CALN1: variants seen among roughly 807,000 people sequenced by gnomAD.
The protein encoded by CALN1 is calcium-binding protein 8.
Under a neutral mutation model 30.6 loss-of-function variants are expected in CALN1, and 17 were observed. The ratio of observed to expected loss-of-function variants is 0.56; its 90% CI spans 0.38 to 0.83. The LOEUF (loss-of-function observed/expected upper bound fraction) is 0.83, where lower values mean the gene tolerates loss of function less well. Ranked by LOEUF, CALN1 falls within the 40% of genes least tolerant of loss-of-function variation. CALN1 has a pLI of 0.00. For synonymous variants in CALN1, 156 were observed against 131.4 expected, an observed-to-expected ratio of 1.19 and a Z score of -1.28; for missense variants, 291 against 354.9, an observed-to-expected ratio of 0.82 and a Z score of 1.45.
intron 3 of CALN1, among the ~76,000 whole-genome samples, chr7:72,272,794 C>A (rs1797080743): frequency 6.6e-6 from 1 of 152,112 alleles, no homozygotes; most frequent in Non-Finnish European, 1.5e-5. Flanking sequence ...GGAATCTATT[C>A]CTCAACCCAA....
intron 3 of CALN1, among the ~76,000 whole-genome samples, chr7:72,212,626 G>A (rs1228675732): frequency 6.6e-6 from 1 of 151,994 alleles, no homozygotes; most frequent in Non-Finnish European, 1.5e-5. Context: ...ACCAGCAGGG[G>A]CAGCAAAGCG....
intron 5 of CALN1, among the ~76,000 whole-genome samples, chr7:71,986,192 C>A (rs1476332894): frequency 6.6e-6 from 1 of 152,090 alleles, no homozygotes; most frequent in African/African-American, 2.4e-5. Flanking sequence ...GGACCACAGG[C>A]ATGTGCCACC....
chr7:72,240,251 G>A (rs1430173466), intron 3 of CALN1, among the ~76,000 whole-genome samples: 2 of 151,380 alleles, frequency 1.3e-5, no homozygotes, highest in Non-Finnish European at 2.9e-5. Context: ...CTGGAGCGCA[G>A]TAGAGTGATC....
intron 5 of CALN1, among the ~76,000 whole-genome samples, chr7:71,867,191 A>G (rs928607522): frequency 1.1e-4 from 16 of 152,078 alleles, no homozygotes; most frequent in African/African-American, 3.9e-4. Context: ...TCAAATTGAT[A>G]GAGTATGATC....
chr7:72,502,413 T>C, the CALN1 span, among the ~76,000 whole-genome samples: 2 of 148,878 alleles, frequency 1.3e-5, no homozygotes, highest in East Asian at 3.9e-4. Context: ...ATATATACAA[T>C]ATATATTATA....
At chr7:72,479,064 T>G in the CALN1 span, among the ~76,000 whole-genome samples, 1 of 151,968 alleles carries the variant, frequency 6.6e-6, no homozygotes, top group Non-Finnish European at 1.5e-5. Context: ...GTATTTTTAG[T>G]AGAGATGGGG....
intron 2 of CALN1, among the ~76,000 whole-genome samples, chr7:72,283,378 A>T (rs1797862992): frequency 6.6e-6 from 1 of 151,980 alleles, no homozygotes; most frequent in African/African-American, 2.4e-5. Flanking sequence ...ACCAAAAAAT[A>T]AAAAAATTTA....
chr7:72,472,042 C>T, the CALN1 span, among the ~76,000 whole-genome samples: 2 of 152,098 alleles, frequency 1.3e-5, no homozygotes, highest in Non-Finnish European at 1.5e-5. Flanking sequence ...GAAATCCTCG[C>T]ACCTCGACCT....
chr7:72,286,896 A>C (rs1434742368), intron 2 of CALN1, among the ~76,000 whole-genome samples: 2 of 152,262 alleles, frequency 1.3e-5, no homozygotes. Context: ...TCTATGACAC[A>C]GGAATGCAAA....
the CALN1 span, among the ~76,000 whole-genome samples, chr7:72,482,857 T>C: frequency 3.9e-5 from 6 of 152,138 alleles, no homozygotes; most frequent in African/African-American, 1.4e-4. Flanking sequence ...TCTTTCCTCC[T>C]GAAAAAATTT....
At chr7:72,089,198 A>C (rs1252804742) in intron 4 of CALN1, among the ~76,000 whole-genome samples, 1 of 152,136 alleles carries the variant, frequency 6.6e-6, no homozygotes, top group African/African-American at 2.4e-5. Flanking sequence ...ATAACATTTA[A>C]TTTCTTATCT....
chr7:72,089,710 A>G (rs1467743080), intron 4 of CALN1, among the ~76,000 whole-genome samples: 1 of 152,210 alleles, frequency 6.6e-6, no homozygotes, highest in African/African-American at 2.4e-5. Flanking sequence ...AAAAGCATTT[A>G]AAGAACATTT....
chr7:72,373,423 C>A (rs1804366493), intron 2 of CALN1, among the ~76,000 whole-genome samples: 1 of 152,170 alleles, frequency 6.6e-6, no homozygotes, highest in Non-Finnish European at 1.5e-5. Flanking sequence ...GATTTTTTGA[C>A]TTCAAAATGG....
At chr7:71,808,942 A>C (rs1368285151) in intron 6 of CALN1, among the ~76,000 whole-genome samples, 3 of 152,056 alleles carry the variant, frequency 2.0e-5, no homozygotes, top group Non-Finnish European at 4.4e-5. Context: ...CCTGCTGGAA[A>C]TGGCCTTGGC....
At chr7:72,317,102 GGA>G (rs1800531616) in intron 2 of CALN1, among the ~76,000 whole-genome samples, 2 of 144,100 alleles carry the variant, frequency 1.4e-5, no homozygotes, top group African/African-American at 2.6e-5. Flanking sequence ...GAGGGAGGGA[GGA>G]AGGGAGGGAG....
intron 2 of CALN1, among the ~76,000 whole-genome samples, chr7:72,284,111 T>G (rs1204943624): frequency 6.6e-6 from 1 of 152,088 alleles, no homozygotes; most frequent in South Asian, 2.1e-4. Context: ...GGCAACATGG[T>G]GAGACTGTGT....
intron 5 of CALN1, among the ~76,000 whole-genome samples, chr7:71,998,446 G>C (rs1799360516): frequency 6.6e-6 from 1 of 152,156 alleles, no homozygotes; most frequent in South Asian, 2.1e-4. Context: ...TGATATTTAA[G>C]AGCAGGGAAG....
Position 71,967,987 on chromosome 7 carries a change from A to G in CALN1, c.501+55670T>C, listed in dbSNP as rs181713474. ...GAAAACATTTTGGCATCTCTGTATA[A>G]AGTTAAACATACATTTCTCATTTTA... On this transcript the variant is annotated intron_variant, in intron 5 of 6. Transcript: ENST00000395275. Among the ~76,000 whole-genome samples, 440 of 152,334 alleles carry G rather than the reference A, an allele frequency of 2.9e-3. 1 individual carries two copies. The highest frequency in any genetic ancestry group is 0.01 in the African/African-American group (426 of 41,582).
intron 5 of CALN1, among the ~76,000 whole-genome samples, chr7:71,916,285 G>C (rs1794684679): frequency 6.6e-6 from 1 of 151,884 alleles, no homozygotes; most frequent in Non-Finnish European, 1.5e-5. Flanking sequence ...GAGAAGACTT[G>C]GGAGGTAAAA....
Sources: allele counts gnomAD v4.1 joint callset (sites outside exome capture counted in the v4.1 genomes callset), GRCh38; gene constraint gnomAD v4.1.1; transcripts MANE v1.5; gene names NCBI Gene and HGNC (gene_info 2026-07-23, HGNC 2026-07-21).